The following RMND1 variants were observed in gnomAD, a reference collection of about 807,000 sequenced individuals.
The protein encoded by RMND1 is required for meiotic nuclear division protein 1 homolog.
Under a neutral mutation model 54.0 loss-of-function variants are expected in RMND1, and 41 were observed. The ratio of observed to expected loss-of-function variants is 0.76; its 90% CI spans 0.59 to 0.98. The LOEUF is 0.98. Ranked by LOEUF, RMND1 falls within the 50% of genes least tolerant of loss-of-function variation. RMND1 has a pLI of 0.00. For synonymous variants in RMND1, 183 were observed against 181.7 expected (o/e 1.01, Z -0.06); for missense variants, 457 against 532.0 (o/e 0.86, Z 1.39).
At chr6:151,411,970 CTTTT>C (rs1262973675) in intron 10 of RMND1, 1 of 152,200 alleles carries the variant, frequency 6.6e-6, no homozygotes, top group African/African-American at 2.4e-5. Context: ...CTGGTGTTCA[CTTTT>C]GTGTCATCCC....
intron 3 of RMND1, among the ~76,000 whole-genome samples, chr6:151,434,737 A>G (rs903781249): frequency 2.0e-5 from 3 of 152,200 alleles, no homozygotes; most frequent in Non-Finnish European, 4.4e-5. Flanking sequence ...AAGAATTTCC[A>G]CTGTTATAGG....
intron 2 of RMND1, among the ~76,000 whole-genome samples, chr6:151,438,944 G>A (rs973610586): frequency 1.3e-5 from 2 of 151,976 alleles, no homozygotes; most frequent in Admixed American, 1.3e-4. Flanking sequence ...TGAAACCCTG[G>A]CTCTATTAAA....
In RMND1 at chr6:151,431,271, A is replaced by G. The variant is rs190414807; in HGVS notation, c.690-1094T>C. 2.6e-4 allele frequency among the ~76,000 whole-genome samples: 40 copies of G among 152,114 alleles called. No individual in the cohort carries two copies. The East Asian group carries it at 3.5e-3, about 13-fold the overall frequency. On this transcript the variant is annotated intron_variant, in intron 4 of 11. Coordinates refer to ENST00000444024, the MANE Select transcript of RMND1 (RefSeq NM_017909.4). Reference sequence around the variant, plus strand: ...TGGTCAAGCAGTGGGCAAGCAGGATAAAGAGGCAAGCAGGGGACAATCCAG... The same window carrying G: ...TGGTCAAGCAGTGGGCAAGCAGGATGAAGAGGCAAGCAGGGGACAATCCAG...
At chr6:151,417,210 CAGTT>C in intron 10 of RMND1, 65 bp downstream of exon 10, 2 of 1,457,090 alleles carry the variant, frequency 1.4e-6, no homozygotes, top group Non-Finnish European at 1.9e-6. Context: ...TCTCTGCAAG[CAGTT>C]AAACATATTC....
chr6:151,434,307 G>T (rs1246772968), intron 3 of RMND1, among the ~76,000 whole-genome samples: 2 of 150,030 alleles, frequency 1.3e-5, no homozygotes, highest in Non-Finnish European at 3.0e-5. Context: ...GCAAAAGGTT[G>T]TATGTCTTAA....
chr6:151,445,644 A>C lies in RMND1; in HGVS notation c.168T>G (p.Asp56Glu). The C allele has an allele frequency of 6.2e-7, 1 of 1,614,186 alleles. No individual in the cohort carries two copies. The highest frequency in any genetic ancestry group is 8.5e-7 in the Non-Finnish European group (1 of 1,180,034). Residue 56 changes from aspartate to glutamate, a missense_variant, in exon 2 of 12, where the codon GAT becomes GAG. Transcript: ENST00000444024. ...IRQSLDLFLPDKTASGLNKSQ... is the reference protein window; with the variant it reads ...IRQSLDLFLPEKTASGLNKSQ... Reference sequence around the variant, plus strand: ...ACTTATTCAAACCACTAGCTGTTTTATCAGGAAGGAACAAATCCAAGCTTT... The same window carrying C: ...ACTTATTCAAACCACTAGCTGTTTTCTCAGGAAGGAACAAATCCAAGCTTT...
rs1562796597 is a variant in RMND1, at chr6:151,436,442, G to T, written c.613+4C>A. ...TACTTGGCCCCAGGTTCAAGAAGAA[G>T]TACCTCTAGGCAAGCTTGTTACTTC... On this transcript the variant is annotated splice_donor_region_variant and intron_variant, in intron 3 of 11. Transcript: ENST00000444024. The T allele has an allele frequency of 5.0e-6, 8 of 1,613,664 alleles. No individual in the cohort carries two copies. Among genetic ancestry groups the T allele is most frequent in the Non-Finnish European group, 6.8e-6 (8 of 1,179,726 alleles).
intron 2 of RMND1, among the ~76,000 whole-genome samples, chr6:151,440,047 C>G (rs555260427): frequency 8.5e-5 from 13 of 152,182 alleles, no homozygotes; most frequent in African/African-American, 2.7e-4. Context: ...ACCTCTACCC[C>G]CTGGATTCAA....
intron 3 of RMND1, among the ~76,000 whole-genome samples, chr6:151,435,973 C>T (rs1303269644): frequency 4.0e-5 from 6 of 151,602 alleles, no homozygotes; most frequent in South Asian, 2.1e-4. Context: ...GGTGTGGTGG[C>T]GCATGCCTGT....
intron 3 of RMND1, among the ~76,000 whole-genome samples, chr6:151,435,184 C>A (rs886419876): frequency 6.6e-6 from 1 of 152,020 alleles, no homozygotes; most frequent in African/African-American, 2.4e-5. Context: ...CTCACTCTGT[C>A]GCCCAGGTTG....
chr6:151,446,988 T>C (rs1414543000), intron 1 of RMND1, among the ~76,000 whole-genome samples: 2 of 152,076 alleles, frequency 1.3e-5, no homozygotes, highest in Non-Finnish European at 2.9e-5. Flanking sequence ...GAATCAATGA[T>C]CTCAGAATTC....
chr6:151,440,037 ACC>A (rs1780731994), intron 2 of RMND1, among the ~76,000 whole-genome samples: 1 of 151,958 alleles, frequency 6.6e-6, no homozygotes, highest in African/African-American at 2.4e-5. Context: ...GCTCACTGCA[ACC>A]TCTACCCCCT....
chr6:151,424,463 CAAA>C (rs35635686), intron 6 of RMND1, among the ~76,000 whole-genome samples: 1 of 103,480 alleles, frequency 9.7e-6, no homozygotes, highest in Non-Finnish European at 2.1e-5. Context: ...ACTCTGTCTC[CAAA>C]AAAAAAAAAA....
chr6:151,426,326 C>T (rs1780296770), intron 6 of RMND1, among the ~76,000 whole-genome samples: 1 of 152,202 alleles, frequency 6.6e-6, no homozygotes, highest in African/African-American at 2.4e-5. Flanking sequence ...ACACTACCAT[C>T]TTGTTCATAC....
intron 3 of RMND1, among the ~76,000 whole-genome samples, chr6:151,435,202 G>A (rs78936765): frequency 0.1 from 15,784 of 152,026 alleles, 1,009 homozygotes; most frequent in East Asian, 0.2. Context: ...TTGGAGTGCA[G>A]TGGCATGATC....
At chr6:151,412,515 A>AAT (rs1391106281) in intron 10 of RMND1, among the ~76,000 whole-genome samples, 2 of 152,158 alleles carry the variant, frequency 1.3e-5, no homozygotes, top group Non-Finnish European at 2.9e-5. Context: ...TAGGTTGCAA[A>AAT]AGACTGTGAC....
rs1185128426 is a variant in RMND1, at chr6:151,445,359, G to C, written c.453C>G (p.Ser151=). The C allele has an allele frequency of 1.2e-6, 2 of 1,613,820 alleles. No homozygotes were observed. Among genetic ancestry groups the C allele is most frequent in the Non-Finnish European group, 1.7e-6 (2 of 1,179,808 alleles). Residue 151 remains serine, a synonymous_variant, in exon 2 of 12, where the codon TCC becomes TCG. Coordinates refer to ENST00000444024, the MANE Select transcript of RMND1 (RefSeq NM_017909.4). ...FPQVKRPLKA[S]RTRQPSRTNL... ...TGGTCCTGGATGGCTGTCTGGTCCT[G>C]GATGCTTTTAGTGGTCTCTTCACCT...
intron 10 of RMND1, among the ~76,000 whole-genome samples, chr6:151,415,717 C>T (rs1582945850): frequency 1.4e-5 from 2 of 147,982 alleles, no homozygotes; most frequent in Non-Finnish European, 3.0e-5. Flanking sequence ...GGCGTGAACC[C>T]GGGAGGCAGA....
intron 1 of RMND1, among the ~76,000 whole-genome samples, chr6:151,448,011 T>C (rs1409144956): frequency 2.0e-5 from 3 of 152,142 alleles, no homozygotes; most frequent in Non-Finnish European, 4.4e-5. Context: ...AGACGGGGTT[T>C]CATTATGTTG....
Sources: allele counts gnomAD v4.1 joint callset (sites outside exome capture counted in the v4.1 genomes callset), GRCh38; gene constraint gnomAD v4.1.1; transcripts MANE v1.5; gene names NCBI Gene and HGNC (gene_info 2026-07-23, HGNC 2026-07-21).